SIPA1L2: variants seen among roughly 807,000 people sequenced by gnomAD.
SIPA1L2 encodes the protein signal-induced proliferation-associated 1-like protein 2.
Under a neutral mutation model 163.9 loss-of-function variants are expected in SIPA1L2, and 56 were observed. That is an observed-to-expected ratio of 0.34 (90% CI 0.28 to 0.43). The LOEUF (loss-of-function observed/expected upper bound fraction) is 0.43. Among genes scored for constraint, SIPA1L2 ranks in the 20% least tolerant of loss-of-function variants. The probability of loss-of-function intolerance (pLI) is 1.00; values close to 1 mark genes in which losing one functional copy is unlikely to be tolerated. For synonymous variants in SIPA1L2, 877 were observed against 865.7 expected (o/e 1.01, Z -0.23); for missense variants, 1,974 against 2,193.5 (o/e 0.90, Z 2.00).
Position 232,498,346 on chromosome 1 carries a change from G to A in SIPA1L2, c.1484-4686C>T, listed in dbSNP as rs74565583. Among the ~76,000 whole-genome samples the A allele has an allele frequency of 6.8e-4, 103 of 152,250 alleles. 1 individual carries two copies. The highest frequency in any genetic ancestry group is 2.4e-3 in the African/African-American group (98 of 41,530). On this transcript the variant is annotated intron_variant, in intron 3 of 22. Transcript: ENST00000674635. The stretch of plus-strand genomic sequence containing the variant: ...GCAGCAGGCATTTCTCTCAGTGACC[G>A]GAGCAATACAATTTCTTGAAGTATT...
chr1:232,486,904 A>G (rs1305554548), intron 5 of SIPA1L2, among the ~76,000 whole-genome samples: 1 of 152,222 alleles, frequency 6.6e-6, no homozygotes, highest in Non-Finnish European at 1.5e-5. Context: ...TCCAGATTCC[A>G]TACACTTAAC....
intron 2 of SIPA1L2, among the ~76,000 whole-genome samples, chr1:232,517,487 T>C (rs1363572827): frequency 2.6e-5 from 4 of 152,140 alleles, no homozygotes; most frequent in South Asian, 2.1e-4. Context: ...CACCAACTAA[T>C]AGATGTGCAA....
chr1:232,518,919 T>C (rs929507152), intron 2 of SIPA1L2, among the ~76,000 whole-genome samples: 4 of 152,148 alleles, frequency 2.6e-5, no homozygotes, highest in East Asian at 1.9e-4. Context: ...TATTAGAAAA[T>C]ATTTAAATGA....
At chr1:232,400,653 G>A (rs931574845) in intron 22 of SIPA1L2, among the ~76,000 whole-genome samples, 11 of 152,154 alleles carry the variant, frequency 7.2e-5, no homozygotes, top group Admixed American at 2.6e-4. Flanking sequence ...CCATCATTAC[G>A]GGAAGATTCT....
At chr1:232,471,554 CA>C in intron 7 of SIPA1L2, 26 bp from the exon 8 acceptor site, 3 of 1,565,792 alleles carry the variant, frequency 1.9e-6, no homozygotes, top group Non-Finnish European at 2.6e-6. Flanking sequence ...TGAAGAGTTA[CA>C]AATAAGTTTT....
rs1285597675 is a variant in SIPA1L2 at position 232,513,872 on chromosome 1, A to G, written c.1468T>C (p.Phe490Leu). The G allele has an allele frequency of 6.4e-7, 1 of 1,573,356 alleles. No homozygotes were observed. Among genetic ancestry groups the G allele is most frequent in the East Asian group, 2.2e-5 (1 of 44,564 alleles). Residue 490 changes from phenylalanine (F) to leucine (L), a missense_variant, in exon 3 of 23, where the codon TTC (phenylalanine) becomes CTC (leucine). Physicochemically the swap from Phe to Leu is conservative, Grantham distance 22. Around this residue, in one of 3 missense-constraint regions of SIPA1L2, gnomAD observed 607 missense variants for 624.0 expected, o/e 0.97. Transcript: ENST00000674635. ...TCTTCCTTACCTTTCCCATAGAAGAATTTGCGGTAATAATAGGCCCCAAGG... is the reference window on the plus strand; with the variant it reads ...TCTTCCTTACCTTTCCCATAGAAGAGTTTGCGGTAATAATAGGCCCCAAGG... ...IDLGAYYYRK[F>L]FYGKEHQNYF... is the part of the protein sequence containing the mutation.
intron 7 of SIPA1L2, among the ~76,000 whole-genome samples, chr1:232,472,770 C>A (rs1195266886): frequency 6.6e-6 from 1 of 152,156 alleles, no homozygotes; most frequent in Non-Finnish European, 1.5e-5. Flanking sequence ...AGCGCATATT[C>A]CAAGTAAAGA....
chr1:232,467,731 T>C (rs904496660), intron 8 of SIPA1L2, among the ~76,000 whole-genome samples: 1 of 152,238 alleles, frequency 6.6e-6, no homozygotes, highest in African/African-American at 2.4e-5. Context: ...GGCGGCCAAA[T>C]GTCATCTGGC....
At chr1:232,603,510 G>T (rs1259267085) in intron 1 of SIPA1L2, among the ~76,000 whole-genome samples, 2 of 152,136 alleles carry the variant, frequency 1.3e-5, no homozygotes, top group Non-Finnish European at 2.9e-5. Flanking sequence ...GTCACTCAGG[G>T]TCAAGAGGAG....
intron 1 of SIPA1L2, among the ~76,000 whole-genome samples, chr1:232,624,010 C>G (rs897966572): frequency 6.6e-6 from 1 of 152,008 alleles, no homozygotes; most frequent in African/African-American, 2.4e-5. Context: ...TAATATTAAT[C>G]TTCTTAAAAT....
At position 232,415,604 on chromosome 1, in the gene SIPA1L2, C is replaced by A; in HGVS notation, c.4652G>T (p.Gly1551Val). 1 of 1,614,008 alleles carries A rather than the reference C, an allele frequency of 6.2e-7. No individual in the cohort carries two copies. Residue 1551 changes from glycine (G) to valine (V), a missense_variant, in exon 19 of 23, where the codon GGG becomes GTG. Physicochemically the swap from Gly to Val is moderately radical, Grantham distance 109 (BLOSUM62 -3). Around this residue, in one of 3 missense-constraint regions of SIPA1L2, gnomAD observed 1,079 missense variants for 1,150.7 expected, o/e 0.94. Transcript: ENST00000674635. ...GCACTTGGACTTATCTGATAAGGAC[C>A]CATCGGAGAACCAGAACTCATCTAA... Reference protein sequence around the residue: ...SLRNEFWFSDGSLSDKSKCAD... With the variant: ...SLRNEFWFSDVSLSDKSKCAD...
At position 232,486,993 on chromosome 1, in the gene SIPA1L2, T is replaced by C. The variant is rs1665676890; in HGVS notation, c.1807-3027A>G. Among the ~76,000 whole-genome samples the C allele has an allele frequency of 1.3e-5, 2 of 152,364 alleles. 1 individual carries two copies. Among genetic ancestry groups the C allele is most frequent in the South Asian group, 4.1e-4 (2 of 4,828 alleles). ...TTTAAGTCTATTGCAGCAACCTTTATTTAACTGTTTGATAAGAGCTGTGCC... is the reference window on the plus strand; with the variant it reads ...TTTAAGTCTATTGCAGCAACCTTTACTTAACTGTTTGATAAGAGCTGTGCC... On this transcript the variant is annotated intron_variant, in intron 5 of 22. Transcript: ENST00000674635.
intron 2 of SIPA1L2, among the ~76,000 whole-genome samples, chr1:232,572,507 C>T (rs1659787985): frequency 6.6e-6 from 1 of 151,888 alleles, no homozygotes; most frequent in South Asian, 2.1e-4. Flanking sequence ...ACTGTTCTCT[C>T]CTCCATTCCA....
chr1:232,566,253 CT>C (rs1447765616), intron 2 of SIPA1L2, among the ~76,000 whole-genome samples: 1 of 152,226 alleles, frequency 6.6e-6, no homozygotes, highest in Non-Finnish European at 1.5e-5. Context: ...TCAGAAAGTG[CT>C]TTCATTGAGG....
intron 2 of SIPA1L2, among the ~76,000 whole-genome samples, chr1:232,543,882 T>C (rs1657847663): frequency 6.6e-6 from 1 of 152,046 alleles, no homozygotes. Context: ...ACAAAACATA[T>C]AAAATATAAA....
chr1:232,550,100 C>G (rs1468808964), intron 2 of SIPA1L2, among the ~76,000 whole-genome samples: 1 of 152,188 alleles, frequency 6.6e-6, no homozygotes, highest in African/African-American at 2.4e-5. Context: ...ACATCCATTT[C>G]AGATTTTTGT....
intron 7 of SIPA1L2, among the ~76,000 whole-genome samples, chr1:232,479,340 T>C (rs935482188): frequency 6.6e-6 from 1 of 152,236 alleles, no homozygotes; most frequent in Non-Finnish European, 1.5e-5. Context: ...GTTGGCCTTT[T>C]CGTAATTAAC....
Position 232,403,590 on chromosome 1 carries a change from C to T in SIPA1L2, c.4817-19G>A. 1.2e-6 allele frequency: 2 copies of T among 1,604,486 alleles called. No individual in the cohort carries two copies. The highest frequency in any genetic ancestry group is 1.7e-6 in the Non-Finnish European group (2 of 1,175,740). On this transcript the variant is annotated intron_variant, in intron 20 of 22. Coordinates refer to ENST00000674635, the MANE Select transcript of SIPA1L2 (RefSeq NM_020808.5). ...CTCTGGTCTGGGGAGGGGAGAAACACACACAGAAAGAAGGGTTAGTAATCA... is the reference window on the plus strand; with the variant it reads ...CTCTGGTCTGGGGAGGGGAGAAACATACACAGAAAGAAGGGTTAGTAATCA...
chr1:232,452,521 C>A (rs2102893529), intron 10 of SIPA1L2, among the ~76,000 whole-genome samples: 1 of 152,308 alleles, frequency 6.6e-6, no homozygotes, highest in African/African-American at 2.4e-5. Context: ...CCACCCAGGC[C>A]CATTCCTTTC....
Sources: gnomAD v4.1 joint callset for allele counts (sites outside exome capture counted in the v4.1 genomes callset) on GRCh38, gnomAD v4.1.1 for gene constraint, gnomAD v4.1.1 regional missense constraint, MANE v1.5 for transcripts, NCBI Gene and HGNC (gene_info 2026-07-23, HGNC 2026-07-21) for gene names.